The following PSMB7 variants were observed in gnomAD, a reference collection of about 807,000 sequenced individuals.
PSMB7 encodes the protein proteasome 20S subunit beta 7, also known as proteasome subunit beta type-7.
PSMB7 carries 5 observed loss-of-function variants against 28.1 expected under a neutral mutation model. The observed-to-expected ratio is 0.18, with a 90% CI of 0.09 to 0.37. The LOEUF (loss-of-function observed/expected upper bound fraction) is 0.37. PSMB7 is among the 10% of genes least tolerant of loss of function. The probability of loss-of-function intolerance (pLI) is 1.00; values close to 1 mark genes in which losing one functional copy is unlikely to be tolerated. For missense variants in PSMB7, 275 were observed against 346.2 expected (o/e 0.79, Z 1.63); for synonymous variants, 122 against 123.7 (o/e 0.99, Z 0.09).
At chr9:124,354,737 G>C (rs1332509468) in intron 7 of PSMB7, among the ~76,000 whole-genome samples, 1 of 152,142 alleles carries the variant, frequency 6.6e-6, no homozygotes, top group African/African-American at 2.4e-5. Context: ...ATCAGTTTGA[G>C]GATGCCCCTC....
At chr9:124,402,626 T>C in intron 5 of PSMB7, among the ~76,000 whole-genome samples, 1 of 152,158 alleles carries the variant, frequency 6.6e-6, no homozygotes, top group South Asian at 2.1e-4. Flanking sequence ...TGCTAACAAC[T>C]GACACATCTG....
intron 4 of PSMB7, among the ~76,000 whole-genome samples, chr9:124,409,999 G>T (rs1831011564): frequency 7.3e-6 from 1 of 137,250 alleles, no homozygotes; most frequent in Non-Finnish European, 1.5e-5. Context: ...ACTGAAAAAA[G>T]AGAATTTAGA....
At chr9:124,411,787 A>G (rs1181425920) in intron 4 of PSMB7, among the ~76,000 whole-genome samples, 2 of 152,246 alleles carry the variant, frequency 1.3e-5, no homozygotes, top group African/African-American at 4.8e-5. Context: ...TACAAATAGG[A>G]GACGCTAATA....
chr9:124,354,429 C>G (rs1034684497), intron 7 of PSMB7, among the ~76,000 whole-genome samples: 2 of 152,240 alleles, frequency 1.3e-5, no homozygotes, highest in African/African-American at 4.8e-5. Context: ...TGTTCCTCTG[C>G]TCTAGCCCCA....
chr9:124,368,579 G>A (rs1830530915), intron 6 of PSMB7, among the ~76,000 whole-genome samples: 1 of 152,100 alleles, frequency 6.6e-6, no homozygotes, highest in Non-Finnish European at 1.5e-5. Context: ...TCAGCAAACA[G>A]AATCAGTCAA....
At position 124,353,667 on chromosome 9, in the gene PSMB7, G is replaced by A. The variant is rs1215461217; in HGVS notation, c.765C>T (p.Leu255=). ...YRCEKGTTAV[L]TEKITPLEIE... Reference sequence around the variant, plus strand: ...TCTCCAGAGGAGTGATTTTCTCAGTGAGGACTGCAGTAGTCCCTTTCTCAC... The same window carrying A: ...TCTCCAGAGGAGTGATTTTCTCAGTAAGGACTGCAGTAGTCCCTTTCTCAC... Residue 255 remains leucine, a synonymous_variant, in exon 8 of 8, where the codon CTC becomes CTT. Coordinates refer to ENST00000259457, the MANE Select transcript of PSMB7 (RefSeq NM_002799.4). 1 of 1,613,948 alleles carries A rather than the reference G, an allele frequency of 6.2e-7. No individual in the cohort carries two copies. Among genetic ancestry groups the A allele is most frequent in the African/African-American group, 1.3e-5 (1 of 74,928 alleles).
intron 5 of PSMB7, among the ~76,000 whole-genome samples, chr9:124,385,387 G>A (rs1251752521): frequency 2.0e-5 from 3 of 152,208 alleles, no homozygotes; most frequent in African/African-American, 7.2e-5. Flanking sequence ...ACAAAAGTAG[G>A]ACGTAAAGCC....
chr9:124,380,861 A>AGTGTGT (rs1830657157), intron 6 of PSMB7, among the ~76,000 whole-genome samples: 1 of 152,230 alleles, frequency 6.6e-6, no homozygotes, highest in Admixed American at 6.5e-5. Flanking sequence ...CAGAAACCTT[A>AGTGTGT]AATGTAGTGT....
chr9:124,415,219 G>C, intron 1 of PSMB7, 145 bp downstream of exon 1: 1 of 900,182 alleles, frequency 1.1e-6, no homozygotes, highest in East Asian at 2.6e-5. Context: ...CCCAGGCCCT[G>C]ATTCCCCTGA....
chr9:124,353,545 G>T lies in PSMB7; in HGVS notation c.*53C>A. On this transcript the variant is annotated 3_prime_UTR_variant, in exon 8 of 8. Coordinates refer to ENST00000259457, the MANE Select transcript of PSMB7 (RefSeq NM_002799.4). ...ACTAGCCACATGAGTGTCTTACTGG[G>T]CCTCAATGCTCACCACCTTCCAGAA... 7.9e-7 allele frequency: 1 copy of T among 1,270,742 alleles called. No homozygotes were observed. Among genetic ancestry groups the T allele is most frequent in the Non-Finnish European group, 1.1e-6 (1 of 870,154 alleles). 78.7% of individuals were successfully genotyped at this position (1,270,742 alleles called of 1,614,324 possible).
chr9:124,375,678 A>G (rs1830603586), intron 6 of PSMB7, among the ~76,000 whole-genome samples: 2 of 152,224 alleles, frequency 1.3e-5, no homozygotes, highest in South Asian at 2.1e-4. Context: ...CAAAACAGAT[A>G]AGAAAATCAT....
At chr9:124,389,010 C>G (rs1441918621) in intron 5 of PSMB7, among the ~76,000 whole-genome samples, 1 of 152,150 alleles carries the variant, frequency 6.6e-6, no homozygotes, top group Admixed American at 6.5e-5. Flanking sequence ...AAAAGTGAGG[C>G]CAACTACCCA....
rs1030455112 is a variant in PSMB7 at position 124,356,255 on chromosome 9, G to A, written c.722+509C>T. Among the ~76,000 whole-genome samples the A allele has an allele frequency of 1.3e-5, 2 of 152,214 alleles. No individual in the cohort carries two copies. The highest frequency in any genetic ancestry group is 4.8e-5 in the African/African-American group (2 of 41,460). ...CTCTGAGTCTGCGCTGCACCACTGA[G>A]CCGAGGGGCCCACTCGGCATGTAGG... On this transcript the variant is annotated intron_variant, in intron 7 of 7. Transcript: ENST00000259457. The surrounding 1 kb of genome is among the most constrained non-coding windows in gnomAD (Gnocchi z 4.4).
intron 4 of PSMB7, among the ~76,000 whole-genome samples, chr9:124,407,790 A>G (rs1188117539): frequency 6.6e-6 from 1 of 152,180 alleles, no homozygotes; most frequent in Non-Finnish European, 1.5e-5. Context: ...AAAAAAGTGG[A>G]AACAGCCAGG....
At chr9:124,385,578 A>C (rs1043216068) in intron 5 of PSMB7, among the ~76,000 whole-genome samples, 1 of 152,180 alleles carries the variant, frequency 6.6e-6, no homozygotes, top group African/African-American at 2.4e-5. Flanking sequence ...AGTTGCCCAC[A>C]ATTTTTTACT....
intron 5 of PSMB7, among the ~76,000 whole-genome samples, chr9:124,399,695 C>T (rs1483343063): frequency 6.6e-6 from 1 of 152,162 alleles, no homozygotes; most frequent in Non-Finnish European, 1.5e-5. Flanking sequence ...CGCTGAGGAA[C>T]GCCAGGAGAG....
intron 5 of PSMB7, among the ~76,000 whole-genome samples, chr9:124,392,057 C>T (rs1001623744): frequency 3.9e-5 from 6 of 152,218 alleles, no homozygotes; most frequent in African/African-American, 1.2e-4. Context: ...CATTCATTGA[C>T]GGTCTTAGGT....
At chr9:124,384,466 C>T (rs1830699253) in intron 6 of PSMB7, 132 bp downstream of exon 6, 3 of 827,796 alleles carry the variant, frequency 3.6e-6, no homozygotes, top group Non-Finnish European at 5.5e-6. Flanking sequence ...AACAGACCAT[C>T]TGTGCCAAAG....
At chr9:124,389,154 T>C (rs1442119147) in intron 5 of PSMB7, among the ~76,000 whole-genome samples, 1 of 152,184 alleles carries the variant, frequency 6.6e-6, no homozygotes, top group South Asian at 2.1e-4. Flanking sequence ...AACTCAAGTG[T>C]AGAGCCAGTT....
Sources: gnomAD v4.1 joint callset for allele counts (sites outside exome capture counted in the v4.1 genomes callset) on GRCh38, gnomAD v4.1.1 for gene constraint, Gnocchi (gnomAD v3.1) non-coding constraint, MANE v1.5 for transcripts, NCBI Gene and HGNC (gene_info 2026-07-23, HGNC 2026-07-21) for gene names.